The following POLR3H variants were observed in gnomAD, a reference collection of about 807,000 sequenced individuals.
The protein encoded by POLR3H is DNA-directed RNA polymerase III subunit RPC8.
A neutral mutation model predicts 25.5 loss-of-function variants in POLR3H; 17 were observed. The observed-to-expected ratio is 0.67, with a 90% CI of 0.46 to 1.00. The LOEUF (loss-of-function observed/expected upper bound fraction) is 1.00. POLR3H is among the 50% of genes least tolerant of loss of function. POLR3H has a pLI of 0.00. For synonymous variants in POLR3H, 129 were observed against 103.0 expected (o/e 1.25, Z -1.53); for missense variants, 274 against 265.0 (o/e 1.03, Z -0.24).
At chr22:41,540,499 A>G (rs763515570) in intron 2 of POLR3H, 200 bp downstream of exon 2, 1 of 642,940 alleles carries the variant, frequency 1.6e-6, no homozygotes, top group South Asian at 1.6e-5. Context: ...GCCTTTTAAA[A>G]TTTTTTCATA....
chr22:41,529,364 T>C (rs768877963), intron 5 of POLR3H, 28 bp from the exon 6 acceptor site: 4 of 1,610,754 alleles, frequency 2.5e-6, no homozygotes, highest in Admixed American at 1.7e-5. Context: ...CACGCACATT[T>C]CACTGACATG....
In POLR3H at chr22:41,527,080, C is replaced by T. The variant is rs965366926; in HGVS notation, c.*2203G>A. On this transcript the variant is annotated 3_prime_UTR_variant, in exon 6 of 6. Transcript: ENST00000355209. ...CTTTGCCACTGCAAACAACCACGTG[C>T]CTCTGTCCCCTCGGGGCCTCGTTTG... The T allele has an allele frequency of 4.5e-6, 3 of 671,576 alleles. No individual in the cohort carries two copies. Among genetic ancestry groups the T allele is most frequent in the Admixed American group, 2.9e-5 (1 of 33,990 alleles). The allele number at this position is 671,576 out of a possible 1,614,324, so 41.6% of individuals were successfully genotyped here.
rs756325186 is a variant in POLR3H at position 41,530,766 on chromosome 22, G to A, written c.482C>T (p.Ser161Phe). Residue 161 changes from serine to phenylalanine, a missense_variant, in exon 5 of 6, where the codon TCC becomes TTC. Coordinates refer to ENST00000355209, the MANE Select transcript of POLR3H (RefSeq NM_001018050.4). ...ATCTGCTGAGCTGGGCCCTGTGGGG[G>A]ACGTGTCAACAAAGCTCTCGTCCAC... ...RVVDESFVDT[S>F]PTGPSSADAT... 26 of 1,613,936 alleles carry A rather than the reference G, an allele frequency of 1.6e-5. No individual in the cohort carries two copies. The highest frequency in any genetic ancestry group is 6.7e-5 in the African/African-American group (5 of 74,938).
In POLR3H at chr22:41,544,382, T is replaced by TCCCCG. The variant is rs1555894426; in HGVS notation, c.-282_-281insCGGGG. 1.0e-5 allele frequency: 3 copies of TCCCCG among 291,574 alleles called. No individual in the cohort carries two copies. The highest frequency in any genetic ancestry group is 1.2e-5 in the Non-Finnish European group (2 of 160,462). 18.1% of individuals were successfully genotyped at this position (291,574 alleles called of 1,614,324 possible). ...GCCACGCCACTCCACGCCACGCCAC[T>TCCCCG]CCACGCCCCGCACCCGCGCCACGTG... On this transcript the variant is annotated 5_prime_UTR_variant, in exon 1 of 6. Coordinates refer to ENST00000355209, the MANE Select transcript of POLR3H (RefSeq NM_001018050.4).
intron 2 of POLR3H, among the ~76,000 whole-genome samples, chr22:41,538,909 G>A (rs768765392): frequency 2.0e-5 from 3 of 152,206 alleles, no homozygotes; most frequent in African/African-American, 4.8e-5. Context: ...TGACCAGTAT[G>A]GACTACAGCA....
chr22:41,532,145 A>C lies in POLR3H; in HGVS notation c.308T>G (p.Phe103Cys). The change falls in exon 4 of 6, where the codon TTC (phenylalanine) becomes TGC (cysteine). Residue 103 changes from phenylalanine to cysteine, a missense_variant. Coordinates refer to ENST00000355209, the MANE Select transcript of POLR3H (RefSeq NM_001018050.4). The stretch of plus-strand genomic sequence containing the variant: ...TGGGGGGATGAGAATGTCATCGAAG[A>C]AGCCTAGAGAGACTGGAAGGAAGGA... Reference protein sequence around the residue: ...SPEGVHVSLGFFDDILIPPES... With the variant: ...SPEGVHVSLGCFDDILIPPES... The C allele has an allele frequency of 1.2e-6, 2 of 1,614,062 alleles. No homozygotes were observed. The highest frequency in any genetic ancestry group is 1.7e-6 in the Non-Finnish European group (2 of 1,179,964).
Position 41,527,204 on chromosome 22 carries a change from T to TGGGTGAGGCCAGGC in POLR3H, c.*2065_*2078dup. 1 of 1,597,334 alleles carries TGGGTGAGGCCAGGC rather than the reference T, an allele frequency of 6.3e-7. No homozygotes were observed. Reference sequence around the variant, plus strand: ...AGCCTCAGGATGCCCAGGCGCCAGGTGGGTGAGGCCAGGCAGGTAGGGCCA... The same window carrying TGGGTGAGGCCAGGC: ...AGCCTCAGGATGCCCAGGCGCCAGGTGGGTGAGGCCAGGCGGGTGAGGCCAGGCAGGTAGGGCCA... On this transcript the variant is annotated 3_prime_UTR_variant, in exon 6 of 6. Coordinates refer to ENST00000355209, the MANE Select transcript of POLR3H (RefSeq NM_001018050.4).
chr22:41,536,328 G>A (rs2066844948), intron 2 of POLR3H, among the ~76,000 whole-genome samples: 1 of 151,596 alleles, frequency 6.6e-6, no homozygotes, highest in South Asian at 2.1e-4. Context: ...CCGGGCGGCG[G>A]AGCTTGCAGT....
At chr22:41,535,119 T>C (rs953436795) in intron 2 of POLR3H, among the ~76,000 whole-genome samples, 13 of 152,200 alleles carry the variant, frequency 8.5e-5, no homozygotes, top group African/African-American at 2.9e-4. Flanking sequence ...TCCTAGCGTT[T>C]AGCAACAGAA....
intron 5 of POLR3H, chr22:41,529,760 G>GT (rs1346742889): frequency 6.2e-4 from 268 of 431,194 alleles, no homozygotes; most frequent in Admixed American, 6.1e-3. Context: ...CCTTTTTTTT[G>GT]TTGTTTTTTT....
rs776829519 is a variant in POLR3H at position 41,526,642 on chromosome 22, G to A, written c.*2641C>T. On this transcript the variant is annotated 3_prime_UTR_variant, in exon 6 of 6. Coordinates refer to ENST00000355209, the MANE Select transcript of POLR3H (RefSeq NM_001018050.4). ...CTGAGAAGGCATGAGGCCCAGGTCC[G>A]GTGGTACAGCCGGGTCCCTGCACCA... is the stretch of plus-strand genomic sequence containing the variant. 99 of 560,954 alleles carry A rather than the reference G, an allele frequency of 1.8e-4. 2 individuals carry two copies. Among genetic ancestry groups the A allele is most frequent in the Non-Finnish European group, 2.6e-4 (86 of 328,958 alleles). The allele number at this position is 560,954 out of a possible 1,614,324, so 34.7% of individuals were successfully genotyped here.
intron 5 of POLR3H, chr22:41,529,675 G>T: frequency 1.6e-6 from 1 of 620,096 alleles, no homozygotes; most frequent in Non-Finnish European, 3.1e-6. Context: ...ACAGGGAGCA[G>T]CCTTGAAAGC....
Position 41,526,142 on chromosome 22 carries a change from CCTCTCACCCCT to C in POLR3H, c.*3130_*3140del. 8 of 815,586 alleles carry C rather than the reference CCTCTCACCCCT, an allele frequency of 9.8e-6. No individual in the cohort carries two copies. The highest frequency in any genetic ancestry group is 1.2e-5 in the Non-Finnish European group (6 of 513,080). The allele number at this position is 815,586 out of a possible 1,614,324, so 50.5% of individuals were successfully genotyped here. On this transcript the variant is annotated 3_prime_UTR_variant, in exon 6 of 6. Coordinates refer to ENST00000355209, the MANE Select transcript of POLR3H (RefSeq NM_001018050.4). ...GAACACGTGTCTGAAGACTTGCCTG[CCTCTCACCCCT>C]CTGTCACCCCTCCTGGGCCCCGGGG...
chr22:41,532,229 G>T, intron 3 of POLR3H, 72 bp from the exon 4 acceptor site: 2 of 1,469,022 alleles, frequency 1.4e-6, no homozygotes, highest in African/African-American at 1.4e-5. Context: ...GGGGTCTTAT[G>T]CTTGACAGGC....
rs1191533893 is a variant in POLR3H, at chr22:41,544,350, CCGCCA to C, written c.-254_-250del. The C allele has an allele frequency of 2.6e-5, 10 of 379,342 alleles. No individual in the cohort carries two copies. The South Asian group carries it at 3.4e-4, about 13-fold the overall frequency. The allele number at this position is 379,342 out of a possible 1,614,324, so 23.5% of individuals were successfully genotyped here. ...GGGTGCGCGCCCGCGCCGCGAGACC[CCGCCA>C]CGCCACGCCACTCCACGCCACGCCA... On this transcript the variant is annotated 5_prime_UTR_variant, in exon 1 of 6. Coordinates refer to ENST00000355209, the MANE Select transcript of POLR3H (RefSeq NM_001018050.4).
chr22:41,536,866 CAAAAA>C (rs576432041), intron 2 of POLR3H, among the ~76,000 whole-genome samples: 1 of 55,642 alleles, frequency 1.8e-5, no homozygotes, highest in African/African-American at 7.4e-5. Flanking sequence ...GACTCTGTCT[CAAAAA>C]AAAAAAAAAA....
At chr22:41,542,090 C>CTT (rs144284289) in intron 1 of POLR3H, among the ~76,000 whole-genome samples, 1 of 145,906 alleles carries the variant, frequency 6.9e-6, no homozygotes, top group African/African-American at 2.5e-5. Context: ...ACCCCTTCTT[C>CTT]TTTTTTTTTT....
intron 2 of POLR3H, among the ~76,000 whole-genome samples, chr22:41,537,085 G>A (rs1179233781): frequency 6.6e-6 from 1 of 152,132 alleles, no homozygotes; most frequent in Non-Finnish European, 1.5e-5. Context: ...GCAGGTCCCA[G>A]GCTTGGAGGA....
intron 3 of POLR3H, 151 bp from the exon 4 acceptor site, chr22:41,532,308 G>A: frequency 1.3e-6 from 1 of 776,302 alleles, no homozygotes; most frequent in Non-Finnish European, 2.1e-6. Context: ...CCCACCTAAT[G>A]CCTCTGCGTA....
Sources: allele counts gnomAD v4.1 joint callset (sites outside exome capture counted in the v4.1 genomes callset), GRCh38; gene constraint gnomAD v4.1.1; transcripts MANE v1.5; gene names NCBI Gene and HGNC (gene_info 2026-07-23, HGNC 2026-07-21).